TEAD4: variants seen among roughly 807,000 people sequenced by gnomAD.
TEAD4 encodes transcriptional enhancer factor TEF-3.
Under a neutral mutation model 52.4 loss-of-function variants are expected in TEAD4, and 36 were observed. That is an observed-to-expected ratio of 0.69 (90% CI 0.53 to 0.91). The LOEUF (loss-of-function observed/expected upper bound fraction) is 0.91, where lower values mean the gene tolerates loss of function less well. Among genes scored for constraint, TEAD4 ranks in the 40% least tolerant of loss-of-function variants. The pLI is 0.00. For missense variants in TEAD4, 508 were observed against 583.9 expected (o/e 0.87, Z 1.34); for synonymous variants, 220 against 231.0 (o/e 0.95, Z 0.43).
At chr12:3,000,539 A>G (rs922177944) in intron 3 of TEAD4, among the ~76,000 whole-genome samples, 1 of 152,118 alleles carries the variant, frequency 6.6e-6, no homozygotes, top group African/African-American at 2.4e-5. Flanking sequence ...GGATTAATCC[A>G]TCGTGAAGGC....
rs528457309 is a variant in TEAD4 at position 2,966,571 on chromosome 12, C to T, written c.-30+6531C>T. Among the ~76,000 whole-genome samples the T allele has an allele frequency of 5.3e-5, 8 of 149,898 alleles. No homozygotes were observed. In the South Asian group the frequency reaches 1.1e-3, roughly 20 times the overall value. On this transcript the variant is annotated intron_variant, in intron 2 of 12. Coordinates refer to ENST00000359864, the MANE Select transcript of TEAD4 (RefSeq NM_003213.4). ...GATTACAAGCACACGCCACCATGCCCAGCTAATTTTTTTGTATTTTTAGTA... is the reference window on the plus strand; with the variant it reads ...GATTACAAGCACACGCCACCATGCCTAGCTAATTTTTTTGTATTTTTAGTA...
chr12:3,030,743 G>C (rs1439116737), intron 10 of TEAD4, among the ~76,000 whole-genome samples: 2 of 152,188 alleles, frequency 1.3e-5, no homozygotes, highest in Non-Finnish European at 2.9e-5. Flanking sequence ...GGGGTGACCT[G>C]TGTGCCACTT....
chr12:2,976,238 C>G (rs1244787844), intron 2 of TEAD4, among the ~76,000 whole-genome samples: 6 of 152,048 alleles, frequency 3.9e-5, no homozygotes, highest in African/African-American at 1.4e-4. Context: ...TCTTGAATTC[C>G]TGACCTCAGA....
Position 3,004,288 on chromosome 12 carries a change from C to T in TEAD4, c.227-6716C>T, listed in dbSNP as rs772426440. Reference sequence around the variant, plus strand: ...GCATATCCTGGGGGGAAATAGCCAGCATGTAATACTCTCGAAGCACTGGGG... The same window carrying T: ...GCATATCCTGGGGGGAAATAGCCAGTATGTAATACTCTCGAAGCACTGGGG... On this transcript the variant is annotated intron_variant, in intron 3 of 12. Coordinates refer to ENST00000359864, the MANE Select transcript of TEAD4 (RefSeq NM_003213.4). Among the ~76,000 whole-genome samples the T allele has an allele frequency of 6.0e-4, 91 of 152,228 alleles. 2 individuals carry two copies. Among genetic ancestry groups the T allele is most frequent in the Non-Finnish European group, 1.0e-4 (7 of 68,046 alleles).
intron 10 of TEAD4, among the ~76,000 whole-genome samples, chr12:3,032,661 T>G (rs1238347724): frequency 6.6e-6 from 1 of 152,180 alleles, no homozygotes; most frequent in Non-Finnish European, 1.5e-5. Context: ...CGGCTGGTAC[T>G]GAGTGGGGGG....
chr12:3,010,465 A>G (rs1271915601), intron 3 of TEAD4, among the ~76,000 whole-genome samples: 1 of 152,232 alleles, frequency 6.6e-6, no homozygotes, highest in Non-Finnish European at 1.5e-5. Flanking sequence ...GGACGGGCTC[A>G]GGCCTCCTCT....
At chr12:2,996,707 G>GCTTTT (rs549784423) in intron 3 of TEAD4, among the ~76,000 whole-genome samples, 19 of 152,180 alleles carry the variant, frequency 1.2e-4, no homozygotes, top group South Asian at 8.3e-4. Flanking sequence ...ACCGCACCCA[G>GCTTTT]CTTTTCTTTT....
intron 10 of TEAD4, among the ~76,000 whole-genome samples, chr12:3,031,349 A>G (rs1033664525): frequency 1.3e-5 from 2 of 152,254 alleles, no homozygotes; most frequent in African/African-American, 4.8e-5. Context: ...AGTTGGGGTC[A>G]GAGCGGAGAC....
chr12:3,012,431 C>T (rs1021549950), intron 5 of TEAD4, among the ~76,000 whole-genome samples, 199 bp downstream of exon 5: 1 of 152,128 alleles, frequency 6.6e-6, no homozygotes, highest in African/African-American at 2.4e-5. Context: ...CTCCCCACAC[C>T]CTGGGAGCTA....
intron 2 of TEAD4, among the ~76,000 whole-genome samples, chr12:2,960,839 G>T (rs2098214691): frequency 6.6e-6 from 1 of 152,194 alleles, no homozygotes; most frequent in Admixed American, 6.5e-5. Flanking sequence ...ATAGCCGTGG[G>T]CAAGAGTCAG....
intron 2 of TEAD4, among the ~76,000 whole-genome samples, chr12:2,966,864 G>A (rs547200819): frequency 6.6e-5 from 10 of 152,148 alleles, no homozygotes; most frequent in South Asian, 2.1e-4. Context: ...CTGCCACCAC[G>A]CCTGGCTAAT....
At chr12:3,031,919 T>G (rs2098275825) in intron 10 of TEAD4, among the ~76,000 whole-genome samples, 1 of 151,846 alleles carries the variant, frequency 6.6e-6, no homozygotes, top group African/African-American at 2.4e-5. Context: ...CCATGCAGCA[T>G]CCTGGAGCTT....
Position 2,981,819 on chromosome 12 carries a change from G to A in TEAD4, c.-29-12919G>A, listed in dbSNP as rs191256233. Among the ~76,000 whole-genome samples, 22 of 152,154 alleles carry A rather than the reference G, an allele frequency of 1.4e-4. No homozygotes were observed. The East Asian group carries it at 4.1e-3, about 28-fold the overall frequency. On this transcript the variant is annotated intron_variant, in intron 2 of 12. Transcript: ENST00000359864. ...GGGGATGCACCTGGAAGAAGGCTGG[G>A]GTCTGCTGCTCCTCTTTCACCTGTC...
chr12:2,967,193 A>G (rs2098221146), intron 2 of TEAD4, among the ~76,000 whole-genome samples: 1 of 137,430 alleles, frequency 7.3e-6, no homozygotes, highest in African/African-American at 2.5e-5. Flanking sequence ...CATAAAGGAA[A>G]AAAATGATAC....
chr12:3,005,838 A>G (rs1565539281), intron 3 of TEAD4, among the ~76,000 whole-genome samples: 1 of 151,724 alleles, frequency 6.6e-6, no homozygotes, highest in Non-Finnish European at 1.5e-5. Flanking sequence ...GGGTTTCACT[A>G]TGTTGCCCAG....
chr12:3,021,894 C>T lies in TEAD4; in HGVS notation c.774C>T (p.Ser258=), dbSNP rs769365424. 4.5e-5 allele frequency: 72 copies of T among 1,614,098 alleles called. No homozygotes were observed. The South Asian group carries it at 5.2e-4, about 12-fold the overall frequency. ...TTGGCCAGTCCAGCCCAAGCTACAG[C>T]GACCCCTACCTCGAAGCCGTGGACA... Residue 258 remains serine, a synonymous_variant, in exon 10 of 13, where the codon AGC becomes AGT. Coordinates refer to ENST00000359864, the MANE Select transcript of TEAD4 (RefSeq NM_003213.4).
intron 2 of TEAD4, among the ~76,000 whole-genome samples, chr12:2,964,583 G>A (rs866560518): frequency 1.1e-4 from 17 of 150,870 alleles, no homozygotes; most frequent in African/African-American, 3.9e-4. Context: ...TCAGCCTCCT[G>A]AGTAGCTGGG....
At chr12:3,024,806 G>A (rs542974885) in intron 10 of TEAD4, among the ~76,000 whole-genome samples, 2 of 152,074 alleles carry the variant, frequency 1.3e-5, no homozygotes, top group African/African-American at 4.8e-5. Context: ...TTTACAAATT[G>A]CTCCATCAGA....
intron 11 of TEAD4, among the ~76,000 whole-genome samples, chr12:3,039,335 G>A (rs558528979): frequency 1.3e-5 from 2 of 152,328 alleles, no homozygotes; most frequent in Admixed American, 6.5e-5. Context: ...TCCCATGTGC[G>A]CTTTACCCAG....
Sources: allele counts gnomAD v4.1 joint callset (sites outside exome capture counted in the v4.1 genomes callset), GRCh38; gene constraint gnomAD v4.1.1; transcripts MANE v1.5; gene names NCBI Gene and HGNC (gene_info 2026-07-23, HGNC 2026-07-21).